Variants in CCNC observed in about 807,000 individuals in gnomAD.
CCNC encodes cyclin-C.
In CCNC, 19 loss-of-function variants were observed where a neutral mutation model predicts 50.0. The observed-to-expected ratio is 0.38, with a 90% confidence interval of 0.27 to 0.56. CCNC has a LOEUF of 0.56. CCNC is among the 20% of genes least tolerant of loss of function. The probability of loss-of-function intolerance (pLI) is 0.72; values close to 1 mark genes in which losing one functional copy is unlikely to be tolerated. For synonymous variants in CCNC, 93 were observed against 103.7 expected, an observed-to-expected ratio of 0.90 and a Z score of 0.63; for missense variants, 200 against 327.1, an observed-to-expected ratio of 0.61 and a Z score of 3.00.
chr6:99,566,998 C>T (rs1164993047), intron 1 of CCNC: 1 of 450,416 alleles, frequency 2.2e-6, no homozygotes, highest in Admixed American at 2.4e-5. Context: ...CATGACTGCT[C>T]AAGGGATTTG....
intron 6 of CCNC, 72 bp from the exon 7 acceptor site, chr6:99,551,100 TA>T (rs1162555513): frequency 3.8e-6 from 3 of 782,380 alleles, no homozygotes; most frequent in Non-Finnish European, 3.6e-6. Flanking sequence ...TAATCTAACA[TA>T]AATTACAGAC....
chr6:99,552,420 T>A (rs750669449), intron 5 of CCNC, among the ~76,000 whole-genome samples: 1 of 152,150 alleles, frequency 6.6e-6, no homozygotes, highest in Non-Finnish European at 1.5e-5. Flanking sequence ...TATCAAAATA[T>A]ATATTTTAAT....
chr6:99,566,697 T>C (rs1769141675), intron 1 of CCNC, among the ~76,000 whole-genome samples: 1 of 152,160 alleles, frequency 6.6e-6, no homozygotes, highest in African/African-American at 2.4e-5. Context: ...CACAGAACTC[T>C]GTATGGAGAA....
intron 5 of CCNC, among the ~76,000 whole-genome samples, chr6:99,556,516 T>A (rs1040239708): frequency 2.0e-5 from 3 of 152,328 alleles, no homozygotes; most frequent in Middle Eastern, 3.4e-3. Context: ...ATTACCCTCA[T>A]GTGTGAAAAT....
At chr6:99,547,466 GATAT>G (rs1802112422) in intron 9 of CCNC, among the ~76,000 whole-genome samples, 1 of 151,080 alleles carries the variant, frequency 6.6e-6, no homozygotes, top group Non-Finnish European at 1.5e-5. Context: ...CTGAAGAGCT[GATAT>G]CTAAGCCAAG....
At position 99,542,390 on chromosome 6, in the gene CCNC, A is replaced by G. The variant is rs1276308501; in HGVS notation, c.*1165T>C. 1 of 152,274 alleles carries G rather than the reference A, an allele frequency of 6.6e-6. No individual in the cohort carries two copies. The allele number at this position is 152,274 out of a possible 1,614,324, so 9.4% of individuals were successfully genotyped here. ...ATAAATTCAAGACACTAGTCGATAC[A>G]GCTGGAGAAGTTACTTTTATTCTTG... On this transcript the variant is annotated 3_prime_UTR_variant, in exon 12 of 12. Transcript: ENST00000520429.
At chr6:99,544,552 A>G (rs2128866243) in intron 11 of CCNC, among the ~76,000 whole-genome samples, 1 of 152,186 alleles carries the variant, frequency 6.6e-6, no homozygotes, top group Non-Finnish European at 1.5e-5. Flanking sequence ...AAACACACAC[A>G]TACACCCCAA....
At chr6:99,544,488 C>G (rs1801994313) in intron 11 of CCNC, among the ~76,000 whole-genome samples, 1 of 152,016 alleles carries the variant, frequency 6.6e-6, no homozygotes, top group African/African-American at 2.4e-5. Context: ...CCCAAATGAA[C>G]TGATACACAG....
At chr6:99,559,205 A>T (rs967709899) in intron 4 of CCNC, among the ~76,000 whole-genome samples, 73 of 152,016 alleles carry the variant, frequency 4.8e-4, no homozygotes, top group Non-Finnish European at 9.3e-4. Flanking sequence ...AAAAAAAAAA[A>T]ACCATATAAA....
intron 5 of CCNC, among the ~76,000 whole-genome samples, chr6:99,555,692 C>T (rs1049092265): frequency 2.0e-5 from 3 of 152,092 alleles, no homozygotes; most frequent in African/African-American, 4.8e-5. Context: ...TCCTCCTGCT[C>T]CAGCCTCCCA....
At chr6:99,561,314 T>C in intron 4 of CCNC, 53 bp downstream of exon 4, 3 of 1,183,470 alleles carry the variant, frequency 2.5e-6, no homozygotes, top group Non-Finnish European at 3.8e-6. Context: ...TGGGGCAGAT[T>C]AACCAACATA....
intron 4 of CCNC, among the ~76,000 whole-genome samples, chr6:99,561,102 A>G (rs1051780312): frequency 3.9e-5 from 6 of 152,208 alleles, no homozygotes; most frequent in African/African-American, 1.2e-4. Flanking sequence ...TCTCTGTCTC[A>G]GTTTCCTCAT....
At chr6:99,558,338 AT>A (rs537470341) in intron 5 of CCNC, 158 bp downstream of exon 5, 4 of 1,091,808 alleles carry the variant, frequency 3.7e-6, no homozygotes, top group South Asian at 2.6e-5. Flanking sequence ...TTTTAGCTTG[AT>A]TTTTTTGCCA....
chr6:99,561,500 A>G lies in CCNC; in HGVS notation c.225-64T>C, dbSNP rs1033891714. ...AGAAAACACACTGGGAAAAAAATCA[A>G]GATAACTCTATGGTAGACACATGAT... On this transcript the variant is annotated intron_variant, in intron 3 of 11. Transcript: ENST00000520429. 1.2e-5 allele frequency: 16 copies of G among 1,375,814 alleles called. No individual in the cohort carries two copies. In the African/African-American group the frequency reaches 2.3e-4, roughly 20 times the overall value. 85.2% of individuals were successfully genotyped at this position (1,375,814 alleles called of 1,614,324 possible).
intron 5 of CCNC, among the ~76,000 whole-genome samples, chr6:99,554,661 TTTTG>T (rs1802441177): frequency 6.6e-6 from 1 of 152,184 alleles, no homozygotes; most frequent in Admixed American, 6.5e-5. Flanking sequence ...CAATAGACGT[TTTTG>T]TTTTTCTTGT....
At chr6:99,562,726 T>C in intron 2 of CCNC, 116 bp downstream of exon 2, 1 of 597,560 alleles carries the variant, frequency 1.7e-6, no homozygotes, top group Non-Finnish European at 2.9e-6. Context: ...AAAGAATACC[T>C]GTATAAGCAA....
intron 9 of CCNC, chr6:99,549,304 AAAC>A (rs1802199156): frequency 3.2e-6 from 2 of 633,212 alleles, no homozygotes; most frequent in African/African-American, 3.7e-5. Context: ...AAAAAAAAAA[AAAC>A]TTACCAAAAA....
chr6:99,545,368 A>G, intron 10 of CCNC, 138 bp from the exon 11 acceptor site: 1 of 581,124 alleles, frequency 1.7e-6, no homozygotes, highest in Non-Finnish European at 3.1e-6. Flanking sequence ...TGAAAGCAGT[A>G]TTTTTCACCA....
chr6:99,565,277 A>G (rs1210821508), intron 1 of CCNC, among the ~76,000 whole-genome samples: 1 of 152,110 alleles, frequency 6.6e-6, no homozygotes, highest in East Asian at 1.9e-4. Flanking sequence ...CATCTTACCA[A>G]GAATTCAAAC....
Sources: allele counts gnomAD v4.1 joint callset (sites outside exome capture counted in the v4.1 genomes callset), GRCh38; gene constraint gnomAD v4.1.1; transcripts MANE v1.5; gene names NCBI Gene and HGNC (gene_info 2026-07-23, HGNC 2026-07-21).